RTN4RL1: variants seen among roughly 807,000 people sequenced by gnomAD.
RTN4RL1 encodes reticulon-4 receptor-like 1.
RTN4RL1 carries 7 observed loss-of-function variants against 25.6 expected under a neutral mutation model. The ratio of observed to expected loss-of-function variants is 0.27; its 90% CI spans 0.16 to 0.51. The LOEUF is 0.51. Among genes scored for constraint, RTN4RL1 ranks in the 20% least tolerant of loss-of-function variants. The probability of loss-of-function intolerance (pLI) is 0.97; values close to 1 mark genes in which losing one functional copy is unlikely to be tolerated. For missense variants in RTN4RL1, 500 were observed against 615.6 expected (o/e 0.81, Z 1.99); for synonymous variants, 297 against 288.2 (o/e 1.03, Z -0.31).
intron 1 of RTN4RL1, among the ~76,000 whole-genome samples, chr17:1,956,048 T>A (rs1192984922): frequency 2.6e-5 from 4 of 152,144 alleles, no homozygotes; most frequent in African/African-American, 9.7e-5. Flanking sequence ...TAAATAAAAA[T>A]TTTATTTAAA....
chr17:1,954,110 T>C (rs974353840), intron 1 of RTN4RL1, among the ~76,000 whole-genome samples: 15 of 152,232 alleles, frequency 9.9e-5, no homozygotes, highest in African/African-American at 3.4e-4. Context: ...CTTCTTGTCA[T>C]AGAACATGGT....
intron 1 of RTN4RL1, among the ~76,000 whole-genome samples, chr17:1,962,155 A>C (rs2066766952): frequency 6.6e-6 from 1 of 150,742 alleles, no homozygotes; most frequent in Non-Finnish European, 1.5e-5. Context: ...TGGCACGTGC[A>C]TGCAGTCCCA....
At chr17:1,984,888 A>T (rs922453031) in intron 1 of RTN4RL1, among the ~76,000 whole-genome samples, 4 of 151,810 alleles carry the variant, frequency 2.6e-5, no homozygotes, top group African/African-American at 9.7e-5. Flanking sequence ...AATCGCTTGA[A>T]CCCAGAAGGC....
Position 2,024,975 on chromosome 17 carries a change from G to C in RTN4RL1, c.-110C>G, listed in dbSNP as rs1254560691. ...AGCTAATCCGAGCGCGTCGAGGCGG[G>C]GGCAAGCCGGGGATCCGCTCGTGCC... On this transcript the variant is annotated 5_prime_UTR_variant, in exon 1 of 2. Coordinates refer to ENST00000331238, the MANE Select transcript of RTN4RL1 (RefSeq NM_178568.4). 1.7e-6 allele frequency: 2 copies of C among 1,196,854 alleles called. No homozygotes were observed. The highest frequency in any genetic ancestry group is 1.2e-6 in the Non-Finnish European group (1 of 851,474). The allele number at this position is 1,196,854 out of a possible 1,614,324, so 74.1% of individuals were successfully genotyped here. A position where few individuals can be genotyped will look rare whatever the true frequency, so the allele number is the denominator to read the frequency against.
In RTN4RL1 at chr17:2,025,134, G is replaced by A. The variant is rs2067254921; in HGVS notation, c.-269C>T. The A allele has an allele frequency of 1.2e-5, 4 of 325,314 alleles. No individual in the cohort carries two copies. The East Asian group carries it at 1.9e-4, about 15-fold the overall frequency. 20.2% of individuals were successfully genotyped at this position (325,314 alleles called of 1,614,324 possible). On this transcript the variant is annotated 5_prime_UTR_variant, in exon 1 of 2. Transcript: ENST00000331238. The surrounding 1 kb of genome is among the most constrained non-coding windows in gnomAD (Gnocchi z 4.8). ...CCCGGGGCGAGCGGCTTGCTCCGCG[G>A]AGCCGGCGGCCTGCTTCTGCCACCC...
At chr17:1,967,358 GGCCCCCTCAGCATCCTCAGCTCCCC>G (rs2066796274) in intron 1 of RTN4RL1, among the ~76,000 whole-genome samples, 1 of 152,072 alleles carries the variant, frequency 6.6e-6, no homozygotes, top group African/African-American at 2.4e-5. Context: ...TGGTCTAGAT[GGCCCCCTCAGCATCCTCAGCTCCCC>G]GCCCCCGCTA....
At chr17:2,018,768 C>T (rs916754541) in intron 1 of RTN4RL1, among the ~76,000 whole-genome samples, 32 of 152,010 alleles carry the variant, frequency 2.1e-4, no homozygotes, top group African/African-American at 6.0e-4. Context: ...TGAGCACAGA[C>T]GGATCCTGCA....
At chr17:1,948,621 G>A (rs1055446877) in intron 1 of RTN4RL1, among the ~76,000 whole-genome samples, 7 of 152,124 alleles carry the variant, frequency 4.6e-5, no homozygotes, top group South Asian at 4.1e-4. Context: ...ACGGGCGGAC[G>A]GGCGGATGGG....
chr17:1,975,583 G>A (rs185585143), intron 1 of RTN4RL1, among the ~76,000 whole-genome samples: 1 of 152,228 alleles, frequency 6.6e-6, no homozygotes, highest in East Asian at 1.9e-4. Context: ...CCCGGGAGGT[G>A]GAGGTTGCAG....
chr17:1,950,897 A>ACTCT (rs141257839), intron 1 of RTN4RL1, among the ~76,000 whole-genome samples: 2 of 141,308 alleles, frequency 1.4e-5, no homozygotes, highest in African/African-American at 2.6e-5. Context: ...ACATACTGAG[A>ACTCT]CTCTCTCTCT....
intron 1 of RTN4RL1, among the ~76,000 whole-genome samples, chr17:1,947,895 C>T (rs1009852853): frequency 6.6e-6 from 1 of 152,202 alleles, no homozygotes; most frequent in Non-Finnish European, 1.5e-5. Context: ...CTGGGAACTG[C>T]GGGTCAGAGC....
At position 1,936,247 on chromosome 17, in the gene RTN4RL1, C is replaced by T. The variant is rs1055731662; in HGVS notation, c.*249G>A. On this transcript the variant is annotated 3_prime_UTR_variant, in exon 2 of 2. Transcript: ENST00000331238. ...CCTTTTCCCACCTTGCCAGAGTGGA[C>T]ACTGTCCGTGGGCGCTCTGCGGGGC... The T allele has an allele frequency of 1.5e-6, 2 of 1,312,714 alleles. No individual in the cohort carries two copies. Among genetic ancestry groups the T allele is most frequent in the African/African-American group, 3.1e-5 (2 of 64,922 alleles). The allele number at this position is 1,312,714 out of a possible 1,614,324, so 81.3% of individuals were successfully genotyped here. A position where few individuals can be genotyped will look rare whatever the true frequency, so the allele number is the denominator to read the frequency against.
chr17:1,934,852 C>G lies in RTN4RL1; in HGVS notation c.*1644G>C, dbSNP rs1395913086. ...AGCACGGCCGGCTTTGATCGGAGCC[C>G]CTCTTCCCTGTCCGGGCTCGCCTGC... is the stretch of plus-strand genomic sequence containing the variant. On this transcript the variant is annotated 3_prime_UTR_variant, in exon 2 of 2. Coordinates refer to ENST00000331238, the MANE Select transcript of RTN4RL1 (RefSeq NM_178568.4). This position sits in a 1 kb window ranked among gnomAD's most constrained non-coding sequence, Gnocchi z 4.0. 2 of 152,680 alleles carry G rather than the reference C, an allele frequency of 1.3e-5. No homozygotes were observed. Among genetic ancestry groups the G allele is most frequent in the African/African-American group, 4.8e-5 (2 of 41,448 alleles). 9.5% of individuals were successfully genotyped at this position (152,680 alleles called of 1,614,324 possible).
chr17:1,993,607 G>A (rs1258538386), intron 1 of RTN4RL1, among the ~76,000 whole-genome samples: 1 of 151,976 alleles, frequency 6.6e-6, no homozygotes, highest in East Asian at 1.9e-4. Context: ...AAAGTGTCTG[G>A]CACATAGTAA....
intron 1 of RTN4RL1, among the ~76,000 whole-genome samples, chr17:2,018,382 T>C (rs763562102): frequency 1.3e-5 from 2 of 152,204 alleles, no homozygotes; most frequent in African/African-American, 2.4e-5. Flanking sequence ...GTGAGGACTG[T>C]GTCTTCCAGA....
chr17:1,978,465 A>G (rs2066852940), intron 1 of RTN4RL1, among the ~76,000 whole-genome samples: 1 of 152,266 alleles, frequency 6.6e-6, no homozygotes, highest in Non-Finnish European at 1.5e-5. Context: ...CGCAACAGCC[A>G]TCCAGGCGGA....
rs964712449 is a variant in RTN4RL1 at position 1,935,383 on chromosome 17, G to A, written c.*1113C>T. Reference sequence around the variant, plus strand: ...GCTACGACAGCAGGGGTGACAGGGCGCTCCAGGGTGGCAGACAGGCTTGTG... The same window carrying A: ...GCTACGACAGCAGGGGTGACAGGGCACTCCAGGGTGGCAGACAGGCTTGTG... On this transcript the variant is annotated 3_prime_UTR_variant, in exon 2 of 2. Coordinates refer to ENST00000331238, the MANE Select transcript of RTN4RL1 (RefSeq NM_178568.4). 9 of 194,222 alleles carry A rather than the reference G, an allele frequency of 4.6e-5. No homozygotes were observed. The highest frequency in any genetic ancestry group is 4.7e-5 in the African/African-American group (2 of 42,136). The allele number at this position is 194,222 out of a possible 1,614,324, so 12.0% of individuals were successfully genotyped here.
chr17:2,020,196 G>A (rs2067182879), intron 1 of RTN4RL1: 1 of 152,192 alleles, frequency 6.6e-6, no homozygotes, highest in Admixed American at 6.5e-5. Flanking sequence ...TCTGCACCTG[G>A]ATTTGGGCTA....
intron 1 of RTN4RL1, among the ~76,000 whole-genome samples, chr17:1,985,531 G>C (rs2066884037): frequency 6.6e-6 from 1 of 152,180 alleles, no homozygotes; most frequent in Non-Finnish European, 1.5e-5. Flanking sequence ...TATGCACGGA[G>C]GAACATAAAC....
Sources: gnomAD v4.1 joint callset for allele counts (sites outside exome capture counted in the v4.1 genomes callset) on GRCh38, gnomAD v4.1.1 for gene constraint, Gnocchi (gnomAD v3.1) non-coding constraint, MANE v1.5 for transcripts, NCBI Gene and HGNC (gene_info 2026-07-23, HGNC 2026-07-21) for gene names.